NHSL1: variants seen among roughly 807,000 people sequenced by gnomAD.
The protein encoded by NHSL1 is NHS like 1.
Under a neutral mutation model 95.0 loss-of-function variants are expected in NHSL1, and 48 were observed. The observed-to-expected ratio is 0.51, with a 90% CI of 0.40 to 0.64. The LOEUF (loss-of-function observed/expected upper bound fraction) is 0.64, where lower values mean the gene tolerates loss of function less well. Among genes scored for constraint, NHSL1 ranks in the 30% least tolerant of loss-of-function variants. The probability of loss-of-function intolerance (pLI) is 0.00; values close to 1 mark genes in which losing one functional copy is unlikely to be tolerated. For synonymous variants in NHSL1, 783 were observed against 833.9 expected, an observed-to-expected ratio of 0.94 and a Z score of 1.05; for missense variants, 1,971 against 2,077.7, an observed-to-expected ratio of 0.95 and a Z score of 1.00.
rs761427842 is a variant in NHSL1, at chr6:138,432,713, G to A, written c.1632C>T (p.Gly544=). 52 of 1,551,212 alleles carry A rather than the reference G, an allele frequency of 3.4e-5. No homozygotes were observed. The highest frequency in any genetic ancestry group is 1.1e-4 in the South Asian group (9 of 84,050). Reference sequence around the variant, plus strand: ...AGGGCTCCGAGCTGCTGTGCCCTCCGCCCCCTGAATAACTAGATTCACTCT... The same window carrying A: ...AGGGCTCCGAGCTGCTGTGCCCTCCACCCCCTGAATAACTAGATTCACTCT... ...DGKSESSYSG[G]GGHSSSEPWE... The change falls in exon 6 of 8, where the codon GGC becomes GGT. Residue 544 remains glycine (G), a synonymous_variant. Transcript: ENST00000343505. This position sits in a 1 kb window ranked among gnomAD's most constrained non-coding sequence, Gnocchi z 4.4.
upstream of NHSL1, among the ~76,000 whole-genome samples, chr6:138,575,522 A>G (rs1783956381): frequency 6.6e-6 from 1 of 152,236 alleles, no homozygotes; most frequent in Non-Finnish European, 1.5e-5. Context: ...ATACGTTTGT[A>G]TAATAACCAA....
intron 1 of NHSL1, among the ~76,000 whole-genome samples, chr6:138,630,340 CA>C (rs1301757141): frequency 1.3e-5 from 2 of 151,874 alleles, no homozygotes; most frequent in African/African-American, 4.8e-5. Flanking sequence ...TGGTTTTTTT[CA>C]ATATGCTTTA....
chr6:138,423,464 T>C lies in NHSL1; in HGVS notation c.*617A>G, dbSNP rs1330724593. The C allele has an allele frequency of 6.6e-6, 1 of 152,232 alleles. No individual in the cohort carries two copies. Among genetic ancestry groups the C allele is most frequent in the Non-Finnish European group, 1.5e-5 (1 of 68,056 alleles). 9.4% of individuals were successfully genotyped at this position (152,232 alleles called of 1,614,324 possible). Reference sequence around the variant, plus strand: ...AAAGTCTACCTCCCCCAGAAAAAAGTACCTGAACCAATTAGTCACTTAGCC... The same window carrying C: ...AAAGTCTACCTCCCCCAGAAAAAAGCACCTGAACCAATTAGTCACTTAGCC... On this transcript the variant is annotated 3_prime_UTR_variant, in exon 8 of 8. Transcript: ENST00000343505.
intron 1 of NHSL1, among the ~76,000 whole-genome samples, chr6:138,582,661 C>A (rs1784079339): frequency 6.6e-6 from 1 of 152,190 alleles, no homozygotes; most frequent in Admixed American, 6.5e-5. Flanking sequence ...TGGGTGTCTC[C>A]CCTGGGCTAC....
At chr6:138,563,986 T>C (rs1234422216) in intron 1 of NHSL1, among the ~76,000 whole-genome samples, 8 of 152,226 alleles carry the variant, frequency 5.3e-5, no homozygotes, top group Non-Finnish European at 1.2e-4. Context: ...GAGCTTCTCC[T>C]TATCAGGCTT....
chr6:138,581,235 T>G (rs942324904), intron 1 of NHSL1, among the ~76,000 whole-genome samples: 2 of 152,194 alleles, frequency 1.3e-5, no homozygotes, highest in African/African-American at 4.8e-5. Context: ...TTCTGTTCAT[T>G]TTGTAAGAAT....
chr6:138,428,033 A>T (rs980411329), intron 7 of NHSL1, among the ~76,000 whole-genome samples: 2 of 152,190 alleles, frequency 1.3e-5, no homozygotes, highest in African/African-American at 4.8e-5. Flanking sequence ...GAGAAACAAC[A>T]CATTTTTCGA....
chr6:138,525,055 C>T (rs1211591048), intron 1 of NHSL1, among the ~76,000 whole-genome samples: 1 of 152,074 alleles, frequency 6.6e-6, no homozygotes, highest in African/African-American at 2.4e-5. Context: ...GCAGCTTTGG[C>T]CCACCATGGA....
At chr6:138,542,218 A>G (rs1204496998) in intron 1 of NHSL1, among the ~76,000 whole-genome samples, 1 of 152,236 alleles carries the variant, frequency 6.6e-6, no homozygotes, top group African/African-American at 2.4e-5. Context: ...CCGAAAGCCA[A>G]GAAATGCCTG....
chr6:138,576,464 C>T (rs1297898741), upstream of NHSL1, among the ~76,000 whole-genome samples: 1 of 152,222 alleles, frequency 6.6e-6, no homozygotes, highest in Non-Finnish European at 1.5e-5. Context: ...GCCTTCCTTA[C>T]CGTGCTGGGC....
intron 1 of NHSL1, among the ~76,000 whole-genome samples, chr6:138,633,706 G>T (rs1311953511): frequency 6.6e-6 from 1 of 152,128 alleles, no homozygotes; most frequent in Non-Finnish European, 1.5e-5. Context: ...GAAGGAAAAG[G>T]AAGTTAATGA....
At position 138,623,542 on chromosome 6, in the gene NHSL1, ACT is replaced by A. The variant is rs146457638; in HGVS notation, c.96+68932_96+68933del. Among the ~76,000 whole-genome samples, 1,356 of 152,214 alleles carry A rather than the reference ACT, an allele frequency of 8.9e-3. 18 individuals carry two copies. Among genetic ancestry groups the A allele is most frequent in the African/African-American group, 0.03 (1,240 of 41,514 alleles). On this transcript the variant is annotated intron_variant, in intron 1 of 3. Coordinates refer to the NHSL1 transcript ENST00000491526. ...TTGTGGTGAGAATATTTAAAGGTCT[ACT>A]CTCTCAGCAATTTTGAAGAATACAA...
At chr6:138,544,402 A>G (rs928661035) in intron 1 of NHSL1, among the ~76,000 whole-genome samples, 1 of 151,982 alleles carries the variant, frequency 6.6e-6, no homozygotes, top group Non-Finnish European at 1.5e-5. Flanking sequence ...TGAATGCTTG[A>G]GGACAGAAAA....
chr6:138,455,779 C>A (rs1777573228), intron 3 of NHSL1, among the ~76,000 whole-genome samples: 1 of 150,136 alleles, frequency 6.7e-6, no homozygotes, highest in Non-Finnish European at 1.5e-5. Context: ...ACTGGTAGTG[C>A]CACACCTAGA....
chr6:138,435,204 G>A (rs1207043659), intron 5 of NHSL1: 1 of 154,790 alleles, frequency 6.5e-6, no homozygotes, highest in Non-Finnish European at 1.5e-5. Context: ...TGGTATCGGT[G>A]TATCAGTGTA....
intron 1 of NHSL1, among the ~76,000 whole-genome samples, chr6:138,596,898 A>T: frequency 6.6e-6 from 1 of 152,090 alleles, no homozygotes; most frequent in East Asian, 1.9e-4. Context: ...TCTCAAGCAG[A>T]GTTTGAAGTG....
At chr6:138,452,639 C>A (rs967428892) in intron 3 of NHSL1, among the ~76,000 whole-genome samples, 9 of 152,256 alleles carry the variant, frequency 5.9e-5, no homozygotes, top group Non-Finnish European at 1.0e-4. Flanking sequence ...TTTTGGAAGA[C>A]ACTTAGTCTT....
intron 1 of NHSL1, among the ~76,000 whole-genome samples, chr6:138,622,285 G>C (rs893254240): frequency 6.6e-6 from 1 of 151,910 alleles, no homozygotes; most frequent in Non-Finnish European, 1.5e-5. Flanking sequence ...GGTGGATCAC[G>C]AGGTCAGGAG....
At chr6:138,659,180 G>A (rs1294325769) in intron 1 of NHSL1, among the ~76,000 whole-genome samples, 6 of 150,978 alleles carry the variant, frequency 4.0e-5, no homozygotes, top group African/African-American at 1.2e-4. Flanking sequence ...CTCCTGAGAC[G>A]CTGGGATTAC....
Sources: gnomAD v4.1 joint callset for allele counts (sites outside exome capture counted in the v4.1 genomes callset) on GRCh38, gnomAD v4.1.1 for gene constraint, Gnocchi (gnomAD v3.1) non-coding constraint, MANE v1.5 for transcripts, NCBI Gene and HGNC (gene_info 2026-07-23, HGNC 2026-07-21) for gene names.